GFI1: variants seen among roughly 807,000 people sequenced by gnomAD.
GFI1 encodes the protein zinc finger protein Gfi-1.
Under a neutral mutation model 39.2 loss-of-function variants are expected in GFI1, and 15 were observed. The ratio of observed to expected loss-of-function variants is 0.38; its 90% confidence interval spans 0.26 to 0.59. GFI1 has a LOEUF of 0.59. GFI1 is among the 20% of genes least tolerant of loss of function. The pLI, the probability that GFI1 is intolerant of heterozygous loss-of-function variation, is 0.62. For missense variants in GFI1, 475 were observed against 574.0 expected (o/e 0.83, Z 1.76); for synonymous variants, 239 against 254.3 (o/e 0.94, Z 0.57).
At position 92,474,545 on chromosome 1, in the gene GFI1, T is replaced by C. The variant is rs1420932005; in HGVS notation, c.*1484A>G. On this transcript the variant is annotated 3_prime_UTR_variant, in exon 7 of 7. Coordinates refer to ENST00000294702, the MANE Select transcript of GFI1 (RefSeq NM_005263.5). ...CTTAGTTTTGTACACCTCCTAGTTT[T>C]TCTCTTATGAAAGAAGATGAAAGAA... 6.6e-6 allele frequency among the ~76,000 whole-genome samples: 1 copy of C among 152,224 alleles called. No homozygotes were observed. The highest frequency in any genetic ancestry group is 2.4e-5 in the African/African-American group (1 of 41,448).
chr1:92,483,748 G>A (rs1028243946), intron 1 of GFI1, 162 bp from the exon 2 acceptor site: 1 of 508,604 alleles, frequency 2.0e-6, no homozygotes, highest in Non-Finnish European at 3.6e-6. Context: ...GTGGCACTTG[G>A]ACAGGTGGCG....
In GFI1 at chr1:92,480,304, G is replaced by A; in HGVS notation, c.924+44C>T. On this transcript the variant is annotated intron_variant, in intron 5 of 6. Transcript: ENST00000294702. The surrounding 1 kb of genome is among the most constrained non-coding windows in gnomAD (Gnocchi z 5.6). ...GGTGCTGCACCGAGGAGATGCAGAA[G>A]ATCCCCGAGCAGGGCCGCGCGCGGC... is the stretch of plus-strand genomic sequence containing the variant. 6.5e-7 allele frequency: 1 copy of A among 1,536,704 alleles called. No individual in the cohort carries two copies. The highest frequency in any genetic ancestry group is 1.4e-5 in the African/African-American group (1 of 72,982).
chr1:92,474,559 A>T lies in GFI1; in HGVS notation c.*1470T>A, dbSNP rs192697920. 5.3e-5 allele frequency among the ~76,000 whole-genome samples: 8 copies of T among 152,236 alleles called. No homozygotes were observed. Among genetic ancestry groups the T allele is most frequent in the Admixed American group, 4.6e-4 (7 of 15,286 alleles). ...CCTCCTAGTTTTTCTCTTATGAAAG[A>T]AGATGAAAGAAGTATCTCTGAGGTG... On this transcript the variant is annotated 3_prime_UTR_variant, in exon 7 of 7. Transcript: ENST00000294702.
At position 92,481,151 on chromosome 1, in the gene GFI1, T is replaced by G. The variant is rs1337268981; in HGVS notation, c.299-63A>C. On this transcript the variant is annotated intron_variant, in intron 3 of 6. Transcript: ENST00000294702. This position sits in a 1 kb window ranked among gnomAD's most constrained non-coding sequence, Gnocchi z 4.3. ...GACGGCAGAGCGGAGGCCGCCGGGCTGCGGCTGCGAGCGTGGCGTGTTCGC... is the reference window on the plus strand; with the variant it reads ...GACGGCAGAGCGGAGGCCGCCGGGCGGCGGCTGCGAGCGTGGCGTGTTCGC... 1 of 1,435,694 alleles carries G rather than the reference T, an allele frequency of 7.0e-7. No homozygotes were observed. The highest frequency in any genetic ancestry group is 9.7e-7 in the Non-Finnish European group (1 of 1,035,280). 88.9% of individuals were successfully genotyped at this position (1,435,694 alleles called of 1,614,324 possible).
Position 92,480,653 on chromosome 1 carries a change from C to T in GFI1, c.734G>A (p.Cys245Tyr). 1 of 1,592,432 alleles carries T rather than the reference C, an allele frequency of 6.3e-7. No homozygotes were observed. The change falls in exon 4 of 7, where the codon TGC becomes TAC. Residue 245 changes from cysteine to tyrosine, a missense_variant. Around this residue, in one of 4 missense-constraint regions of GFI1, gnomAD observed 79 missense variants for 68.4 expected, o/e 1.15. Transcript: ENST00000294702. The surrounding 1 kb of genome is among the most constrained non-coding windows in gnomAD (Gnocchi z 5.6). ...AGVKVESELL[C>Y]TRLLLGGGSY... The stretch of plus-strand genomic sequence containing the variant: ...GCCGCCGCCCAGCAGCAGGCGGGTG[C>T]ACAGCAGCTCCGACTCCACCTTGAC...
Position 92,484,146 on chromosome 1 carries a change from G to A in GFI1, c.-99-560C>T, listed in dbSNP as rs532730114. On this transcript the variant is annotated intron_variant, in intron 1 of 6. Coordinates refer to ENST00000294702, the MANE Select transcript of GFI1 (RefSeq NM_005263.5). This position sits in a 1 kb window ranked among gnomAD's most constrained non-coding sequence, Gnocchi z 4.1. Reference sequence around the variant, plus strand: ...GGAACAGAACACAAGATAAAACTGTGGGGCGGCGGGAGGACAGCAGCAGAG... The same window carrying A: ...GGAACAGAACACAAGATAAAACTGTAGGGCGGCGGGAGGACAGCAGCAGAG... 1.8e-4 allele frequency among the ~76,000 whole-genome samples: 27 copies of A among 152,322 alleles called. No homozygotes were observed. Among genetic ancestry groups the A allele is most frequent in the African/African-American group, 6.5e-4 (27 of 41,562 alleles).
rs1441190631 is a variant in GFI1 at position 92,475,206 on chromosome 1, A to G, written c.*823T>C. The G allele has an allele frequency of 6.6e-6, 1 of 152,246 alleles. No homozygotes were observed. The highest frequency in any genetic ancestry group is 1.5e-5 in the Non-Finnish European group (1 of 68,100). 9.4% of individuals were successfully genotyped at this position (152,246 alleles called of 1,614,324 possible). ...CTTCAGTCTCTCTTCCCCAATACCT[A>G]GCATGGTGCCTGGTACCTTGGTAGC... On this transcript the variant is annotated 3_prime_UTR_variant, in exon 7 of 7. Transcript: ENST00000294702.
Position 92,480,910 on chromosome 1 carries a change from C to A in GFI1, c.477G>T (p.Pro159=). Residue 159 remains proline (P), a synonymous_variant, in exon 4 of 7, where the codon CCG becomes CCT. Coordinates refer to ENST00000294702, the MANE Select transcript of GFI1 (RefSeq NM_005263.5). This position sits in a 1 kb window ranked among gnomAD's most constrained non-coding sequence, Gnocchi z 5.6. ...ACAGCGCGGCCGGGTGGCCAGGCTC[C>A]GGGGCGGGTTCGCAGAAGAGGCCCA... The part of the protein sequence containing the change: ...AGLGLFCEPA[P]EPGHPAALYG... 3 of 1,548,612 alleles carry A rather than the reference C, an allele frequency of 1.9e-6. No individual in the cohort carries two copies. Among genetic ancestry groups the A allele is most frequent in the East Asian group, 2.4e-5 (1 of 40,916 alleles).
intron 6 of GFI1, 86 bp downstream of exon 6, chr1:92,478,502 A>T: frequency 8.6e-7 from 1 of 1,161,678 alleles, no homozygotes; most frequent in Non-Finnish European, 1.3e-6. Context: ...GGCCTCATCC[A>T]CCACTCACTG....
chr1:92,481,047 G>T lies in GFI1; in HGVS notation c.340C>A (p.Pro114Thr). Residue 114 changes from proline to threonine, a missense_variant, in exon 4 of 7, where the codon CCC becomes ACC. Around this residue, in one of 4 missense-constraint regions of GFI1, gnomAD observed 275 missense variants for 275.8 expected, o/e 1.00. Transcript: ENST00000294702. This position sits in a 1 kb window ranked among gnomAD's most constrained non-coding sequence, Gnocchi z 4.3. ...SMCPSLDEAQPFPLPFKPYSW... is the reference protein window; with the variant it reads ...SMCPSLDEAQTFPLPFKPYSW... ...TACGGTTTGAAAGGCAGGGGGAAGG[G>T]CTGGGCTTCGTCCAGCGATGGGCAC... 2 of 1,611,898 alleles carry T rather than the reference G, an allele frequency of 1.2e-6. No individual in the cohort carries two copies. Among genetic ancestry groups the T allele is most frequent in the Non-Finnish European group, 1.7e-6 (2 of 1,179,098 alleles).
Position 92,480,923 on chromosome 1 carries a change from C to T in GFI1, c.464G>A (p.Cys155Tyr). Residue 155 changes from cysteine (C) to tyrosine (Y), a missense_variant, in exon 4 of 7, where the codon TGC becomes TAC. Around this residue, in one of 4 missense-constraint regions of GFI1, gnomAD observed 275 missense variants for 275.8 expected, o/e 1.00. Coordinates refer to ENST00000294702, the MANE Select transcript of GFI1 (RefSeq NM_005263.5). The surrounding 1 kb of genome is among the most constrained non-coding windows in gnomAD (Gnocchi z 5.6). The stretch of plus-strand genomic sequence containing the variant: ...GTGGCCAGGCTCCGGGGCGGGTTCG[C>T]AGAAGAGGCCCAGGCCAGCGCCACG... The part of the protein sequence containing the change: ...LERGAGLGLF[C>Y]EPAPEPGHPA... The T allele has an allele frequency of 6.4e-7, 1 of 1,561,304 alleles. No individual in the cohort carries two copies. The highest frequency in any genetic ancestry group is 8.7e-7 in the Non-Finnish European group (1 of 1,153,776).
chr1:92,483,632 C>A, intron 1 of GFI1, 46 bp from the exon 2 acceptor site: 7 of 689,316 alleles, frequency 1.0e-5, no homozygotes, highest in South Asian at 9.0e-5. Context: ...CAGTACTCTC[C>A]GGTGCGGCGG....
In GFI1 at chr1:92,482,812, C is replaced by A; in HGVS notation, c.298+52G>T. The stretch of plus-strand genomic sequence containing the variant: ...CAAGGTCGCGCCAATTCCCCCCCAG[C>A]ACTGCCGGGTCCCTGCAGCTCCCGC... On this transcript the variant is annotated intron_variant, in intron 3 of 6. Coordinates refer to ENST00000294702, the MANE Select transcript of GFI1 (RefSeq NM_005263.5). The surrounding 1 kb of genome is among the most constrained non-coding windows in gnomAD (Gnocchi z 4.4). The A allele has an allele frequency of 7.0e-7, 1 of 1,428,514 alleles. No individual in the cohort carries two copies. Among genetic ancestry groups the A allele is most frequent in the East Asian group, 2.3e-5 (1 of 43,970 alleles). The allele number at this position is 1,428,514 out of a possible 1,614,324, so 88.5% of individuals were successfully genotyped here. A position where few individuals can be genotyped will look rare whatever the true frequency, so the allele number is the denominator to read the frequency against.
rs1339617650 is a variant in GFI1 at position 92,474,422 on chromosome 1, G to A, written c.*1607C>T. On this transcript the variant is annotated 3_prime_UTR_variant, in exon 7 of 7. Coordinates refer to ENST00000294702, the MANE Select transcript of GFI1 (RefSeq NM_005263.5). ...AGACCTGTGATTTCTTTATTCATCT[G>A]GGAGCCTTCAGGCCCCTAAAAAAAT... 2.6e-5 allele frequency among the ~76,000 whole-genome samples: 4 copies of A among 152,174 alleles called. No homozygotes were observed. The highest frequency in any genetic ancestry group is 1.3e-4 in the Admixed American group (2 of 15,286).
Position 92,475,459 on chromosome 1 carries a change from TTTTG to T in GFI1, c.*566_*569del. On this transcript the variant is annotated 3_prime_UTR_variant, in exon 7 of 7. Transcript: ENST00000294702. ...TCCCCAAGTCAGTTTCTGAATCAGTTTTTGAGGAGGAGAAATGATTCCTCCAAGA... is the reference window on the plus strand; with the variant it reads ...TCCCCAAGTCAGTTTCTGAATCAGTTAGGAGGAGAAATGATTCCTCCAAGA... 6.3e-6 allele frequency: 1 copy of T among 159,148 alleles called. No individual in the cohort carries two copies. 9.9% of individuals were successfully genotyped at this position (159,148 alleles called of 1,614,324 possible).
At position 92,480,962 on chromosome 1, in the gene GFI1, C is replaced by T; in HGVS notation, c.425G>A (p.Cys142Tyr). The T allele has an allele frequency of 6.3e-7, 1 of 1,595,462 alleles. No individual in the cohort carries two copies. Among genetic ancestry groups the T allele is most frequent in the Non-Finnish European group, 8.5e-7 (1 of 1,171,924 alleles). Residue 142 changes from cysteine to tyrosine, a missense_variant, in exon 4 of 7, where the codon TGT becomes TAT. Transcript: ENST00000294702. The surrounding 1 kb of genome is among the most constrained non-coding windows in gnomAD (Gnocchi z 5.6). ...GCCAGCGCCACGCTCCAGGGCCCCACACGGTCGGTAGCTCTGCACCAGGTG... is the reference window on the plus strand; with the variant it reads ...GCCAGCGCCACGCTCCAGGGCCCCATACGGTCGGTAGCTCTGCACCAGGTG... Reference protein sequence around the residue: ...LRHLVQSYRPCGALERGAGLG... With the variant: ...LRHLVQSYRPYGALERGAGLG...
At chr1:92,479,655 C>T (rs180758576) in intron 5 of GFI1, among the ~76,000 whole-genome samples, 20 of 152,224 alleles carry the variant, frequency 1.3e-4, no homozygotes, top group Admixed American at 1.0e-3. Flanking sequence ...AGTTCGTGAC[C>T]AGCCTGGCTA....
At chr1:92,483,998 G>T in intron 1 of GFI1, 1 of 244,650 alleles carries the variant, frequency 4.1e-6, no homozygotes. Flanking sequence ...GCGAGGGAGG[G>T]CGGGGACACG....
rs1416697884 is a variant in GFI1 at position 92,482,995 on chromosome 1, G to C, written c.167C>G (p.Ser56Cys). 6.2e-6 allele frequency: 10 copies of C among 1,610,116 alleles called. No homozygotes were observed. The highest frequency in any genetic ancestry group is 8.5e-6 in the Non-Finnish European group (10 of 1,177,834). The change falls in exon 3 of 7, where the codon TCC (serine) becomes TGC (cysteine). Residue 56 changes from serine to cysteine, a missense_variant. Transcript: ENST00000294702. This position sits in a 1 kb window ranked among gnomAD's most constrained non-coding sequence, Gnocchi z 4.4. The stretch of plus-strand genomic sequence containing the variant: ...GGCTTCGGTCAGCTGCGATTCGGGG[G>C]ACAAACGGTCCCGGGGCTCCGCCTT... ...GAKAEPRDRL[S>C]PESQLTEAPD... is the part of the protein sequence containing the mutation.
Sources: allele counts gnomAD v4.1 joint callset (sites outside exome capture counted in the v4.1 genomes callset), GRCh38; gene constraint gnomAD v4.1.1; regional missense constraint gnomAD v4.1.1; non-coding constraint Gnocchi (gnomAD v3.1); transcripts MANE v1.5; gene names NCBI Gene and HGNC (gene_info 2026-07-23, HGNC 2026-07-21).